FGF14: variants seen among roughly 807,000 people sequenced by gnomAD.
FGF14 encodes fibroblast growth factor 14.
A neutral mutation model predicts 25.5 loss-of-function variants in FGF14; 5 were observed. The observed-to-expected ratio is 0.20, with a 90% CI of 0.10 to 0.41. FGF14 has a LOEUF of 0.41. Ranked by LOEUF, FGF14 falls within the 10% of genes least tolerant of loss-of-function variation. The pLI is 1.00. For synonymous variants in FGF14, 138 were observed against 118.3 expected (o/e 1.17, Z -1.08); for missense variants, 222 against 320.1 (o/e 0.69, Z 2.34).
intron 1 of FGF14, among the ~76,000 whole-genome samples, chr13:102,263,706 C>T (rs892012401): frequency 3.3e-5 from 5 of 152,072 alleles, no homozygotes; most frequent in African/African-American, 1.2e-4. Flanking sequence ...GGACATAATT[C>T]ATATTGCTTT....
chr13:101,823,157 G>A (rs1248584878), intron 3 of FGF14, among the ~76,000 whole-genome samples: 1 of 151,990 alleles, frequency 6.6e-6, no homozygotes, highest in East Asian at 1.9e-4. Context: ...GAGTAAAGCT[G>A]CTATAAACGT....
chr13:101,900,603 T>TA (rs777178488), intron 1 of FGF14, among the ~76,000 whole-genome samples: 75 of 152,266 alleles, frequency 4.9e-4, no homozygotes, highest in Non-Finnish European at 1.3e-4. Flanking sequence ...ACATCATTGA[T>TA]ATATAGTTTT....
intron 1 of FGF14, among the ~76,000 whole-genome samples, chr13:102,123,100 C>T (rs894162147): frequency 1.1e-4 from 17 of 152,046 alleles, no homozygotes; most frequent in African/African-American, 3.6e-4. Flanking sequence ...GAAAGACAGA[C>T]GGATGGTAAG....
rs559682554 is a variant in FGF14 at position 102,352,669 on chromosome 13, G to A, written c.208+48802C>T. 9.9e-5 allele frequency among the ~76,000 whole-genome samples: 15 copies of A among 152,138 alleles called. 1 individual carries two copies. The highest frequency in any genetic ancestry group is 3.4e-4 in the African/African-American group (14 of 41,510). On this transcript the variant is annotated intron_variant, in intron 1 of 4. Coordinates refer to the FGF14 transcript ENST00000376131. ...GTACTAAAAATACAAAAAATTAGCCGGGGGCGGTGGTGGGCGCCTGTAGTC... is the reference window on the plus strand; with the variant it reads ...GTACTAAAAATACAAAAAATTAGCCAGGGGCGGTGGTGGGCGCCTGTAGTC...
intron 3 of FGF14, among the ~76,000 whole-genome samples, chr13:101,867,754 A>G (rs781740673): frequency 3.3e-5 from 5 of 152,098 alleles, no homozygotes; most frequent in Non-Finnish European, 7.3e-5. Flanking sequence ...GAATAAGAAG[A>G]GCCAGCACTT....
chr13:102,002,569 C>T, intron 1 of FGF14: 1 of 162,086 alleles, frequency 6.2e-6, no homozygotes, highest in East Asian at 1.8e-4. Context: ...GAATGTGCAG[C>T]CTACCAAAAT....
chr13:102,126,382 G>A (rs1191104923), intron 1 of FGF14, among the ~76,000 whole-genome samples: 3 of 152,164 alleles, frequency 2.0e-5, no homozygotes, highest in Non-Finnish European at 2.9e-5. Flanking sequence ...CATTCATGTT[G>A]TAGAACTTCA....
Position 101,711,199 on chromosome 13 carries a change from A to G in FGF14, c.*11632T>C, listed in dbSNP as rs1380761789. On this transcript the variant is annotated 3_prime_UTR_variant, in exon 5 of 5. Coordinates refer to ENST00000376143, the MANE Select transcript of FGF14 (RefSeq NM_004115.4). ...TATTTGGCTTCAAGACTACACAATT[A>G]TATCTTTGCCTTGACTACTTCAAGC... 2.6e-5 allele frequency: 4 copies of G among 152,234 alleles called. No homozygotes were observed. The highest frequency in any genetic ancestry group is 4.4e-5 in the Non-Finnish European group (3 of 68,050). The allele number at this position is 152,234 out of a possible 1,614,324, so 9.4% of individuals were successfully genotyped here.
At chr13:102,213,783 T>A (rs1311292447) in intron 1 of FGF14, among the ~76,000 whole-genome samples, 1 of 152,166 alleles carries the variant, frequency 6.6e-6, no homozygotes, top group Non-Finnish European at 1.5e-5. Context: ...AAACACTATA[T>A]ACCCTCCCTA....
At chr13:102,284,138 G>A (rs146853405) in intron 1 of FGF14, among the ~76,000 whole-genome samples, 109 of 152,312 alleles carry the variant, frequency 7.2e-4, no homozygotes, top group Middle Eastern at 6.8e-3. Context: ...CCCCGCAAGA[G>A]AGAGCAGCTT....
At position 101,722,824 on chromosome 13, in the gene FGF14, G is replaced by T. The variant is rs1464000639; in HGVS notation, c.*7C>A. On this transcript the variant is annotated 3_prime_UTR_variant, in exon 5 of 5. Transcript: ENST00000376143. The stretch of plus-strand genomic sequence containing the variant: ...ACGAATAAGTCACAACACCTGTGAG[G>T]ATCTGGCTATGTTGTCTTACTCTTG... 1.2e-6 allele frequency: 2 copies of T among 1,613,008 alleles called. No homozygotes were observed. The highest frequency in any genetic ancestry group is 1.7e-5 in the Admixed American group (1 of 59,836).
At chr13:102,397,485 G>A (rs537105871) in intron 1 of FGF14, among the ~76,000 whole-genome samples, 16 of 152,148 alleles carry the variant, frequency 1.1e-4, no homozygotes, top group Admixed American at 6.5e-5. Context: ...CGTCTGCTTC[G>A]TACTAACACT....
intron 3 of FGF14, among the ~76,000 whole-genome samples, chr13:101,732,018 G>A (rs1453097092): frequency 6.6e-6 from 1 of 152,136 alleles, no homozygotes; most frequent in South Asian, 2.1e-4. Context: ...GTAATTGAGG[G>A]AAGAGTTATT....
rs542080737 is a variant in FGF14 at position 101,915,343 on chromosome 13, G to A, written c.193+1110C>T. Among the ~76,000 whole-genome samples the A allele has an allele frequency of 1.1e-4, 17 of 152,272 alleles. No individual in the cohort carries two copies. In the South Asian group the frequency reaches 3.3e-3, roughly 30 times the overall value. On this transcript the variant is annotated intron_variant, in intron 1 of 4. Transcript: ENST00000376143. ...GCTTATGCTTCTATCCCCCGTCTTT[G>A]GAACAACAGGGCATTTAAAACAAAT...
chr13:101,714,496 G>A lies in FGF14; in HGVS notation c.*8335C>T, dbSNP rs1249815304. 6.2e-7 allele frequency: 1 copy of A among 1,613,044 alleles called. No individual in the cohort carries two copies. The highest frequency in any genetic ancestry group is 1.7e-5 in the Admixed American group (1 of 60,000). On this transcript the variant is annotated 3_prime_UTR_variant, in exon 5 of 5. Coordinates refer to ENST00000376143, the MANE Select transcript of FGF14 (RefSeq NM_004115.4). ...CTGAAGAGTGGTATATTTCTGGGGA[G>A]TTCTGTGACTGTGATGACAGAGACT... is the stretch of plus-strand genomic sequence containing the variant.
chr13:102,400,478 C>G lies in FGF14; in HGVS notation c.208+993G>C, dbSNP rs965925157. Among the ~76,000 whole-genome samples, 16 of 152,324 alleles carry G rather than the reference C, an allele frequency of 1.1e-4. No homozygotes were observed. The highest frequency in any genetic ancestry group is 6.2e-4 in the South Asian group (3 of 4,826). ...CTGCGCCCAGCCTCCTCGCCAGCGC[C>G]GCCGCCACCACCATGCAGCCCTCCA... On this transcript the variant is annotated intron_variant, in intron 1 of 4. Transcript: ENST00000376131. The surrounding 1 kb of genome is among the most constrained non-coding windows in gnomAD (Gnocchi z 4.3).
chr13:102,242,465 G>C (rs574052228), intron 1 of FGF14, among the ~76,000 whole-genome samples: 6 of 152,206 alleles, frequency 3.9e-5, no homozygotes, highest in Admixed American at 6.5e-5. Context: ...CTTTCTTGCT[G>C]TATCATCTTA....
intron 1 of FGF14, among the ~76,000 whole-genome samples, chr13:102,088,898 C>A (rs1317344268): frequency 6.6e-6 from 1 of 152,098 alleles, no homozygotes; most frequent in African/African-American, 2.4e-5. Context: ...AAAGTAGGTA[C>A]ATTCTTGATC....
At position 102,208,695 on chromosome 13, in the gene FGF14, T is replaced by C. The variant is rs188904680; in HGVS notation, c.208+192776A>G. On this transcript the variant is annotated intron_variant, in intron 1 of 4. Coordinates refer to the FGF14 transcript ENST00000376131. ...TATTACATTTTAAAATGTGAGTATA[T>C]TGCAGTTGAGTTTATCCTACCTCAC... Among the ~76,000 whole-genome samples the C allele has an allele frequency of 7.9e-4, 121 of 152,270 alleles. 1 individual carries two copies. The highest frequency in any genetic ancestry group is 2.6e-3 in the African/African-American group (107 of 41,532).
Sources: gnomAD v4.1 joint callset for allele counts (sites outside exome capture counted in the v4.1 genomes callset) on GRCh38, gnomAD v4.1.1 for gene constraint, Gnocchi (gnomAD v3.1) non-coding constraint, MANE v1.5 for transcripts, NCBI Gene and HGNC (gene_info 2026-07-23, HGNC 2026-07-21) for gene names.